The following CAMSAP2 variants were observed in gnomAD, a reference collection of about 807,000 sequenced individuals.
CAMSAP2 encodes the protein calmodulin regulated spectrin associated protein family member 2, also known as calmodulin-regulated spectrin-associated protein 2.
In CAMSAP2, 26 loss-of-function variants were observed where a neutral mutation model predicts 146.1. The ratio of observed to expected loss-of-function variants is 0.18; its 90% CI spans 0.13 to 0.25. CAMSAP2 has a LOEUF of 0.25. CAMSAP2 is among the 10% of genes least tolerant of loss of function. CAMSAP2 has a pLI of 1.00. For missense variants in CAMSAP2, 1,381 were observed against 1,759.3 expected (o/e 0.78, Z 3.85); for synonymous variants, 499 against 596.6 (o/e 0.84, Z 2.38).
At chr1:200,852,459 C>G in intron 11 of CAMSAP2, 82 bp from the exon 12 acceptor site, 2 of 1,497,758 alleles carry the variant, frequency 1.3e-6, no homozygotes, top group Non-Finnish European at 1.8e-6. Flanking sequence ...TAGGACTAAC[C>G]ACAAAATGTG....
At chr1:200,799,504 T>C (rs1408943150) in intron 2 of CAMSAP2, among the ~76,000 whole-genome samples, 1 of 152,130 alleles carries the variant, frequency 6.6e-6, no homozygotes, top group Non-Finnish European at 1.5e-5. Flanking sequence ...ATTTCTGTGG[T>C]ATCAGTGGTG....
intron 4 of CAMSAP2, among the ~76,000 whole-genome samples, chr1:200,824,900 G>C (rs1571802888): frequency 6.6e-6 from 1 of 152,034 alleles, no homozygotes; most frequent in Non-Finnish European, 1.5e-5. Context: ...AATTGCTTGA[G>C]CCCGGGAGGC....
At chr1:200,811,024 T>G (rs187228832) in intron 3 of CAMSAP2, among the ~76,000 whole-genome samples, 5 of 152,270 alleles carry the variant, frequency 3.3e-5, no homozygotes, top group Admixed American at 2.0e-4. Context: ...AGCCTGCTCT[T>G]CTCTCTCTCT....
intron 11 of CAMSAP2, among the ~76,000 whole-genome samples, chr1:200,851,022 A>G (rs992404929): frequency 9.8e-5 from 15 of 152,318 alleles, no homozygotes; most frequent in Admixed American, 9.8e-4. Context: ...AGCTTCATCT[A>G]AAGCCTTTTA....
chr1:200,766,007 T>C (rs1438568561), intron 2 of CAMSAP2, among the ~76,000 whole-genome samples: 4 of 152,210 alleles, frequency 2.6e-5, no homozygotes, highest in Non-Finnish European at 5.9e-5. Context: ...GGAATAGATT[T>C]TCATACTATA....
At chr1:200,760,141 T>G (rs1664762112) in intron 1 of CAMSAP2, among the ~76,000 whole-genome samples, 1 of 152,154 alleles carries the variant, frequency 6.6e-6, no homozygotes, top group South Asian at 2.1e-4. Flanking sequence ...TACTTATGTT[T>G]TAGTCGAACT....
At chr1:200,761,197 A>T in intron 2 of CAMSAP2, 99 bp downstream of exon 2, 1 of 1,193,296 alleles carries the variant, frequency 8.4e-7, no homozygotes, top group Non-Finnish European at 1.2e-6. Flanking sequence ...TTGAAATTGG[A>T]TTGTATTTTT....
chr1:200,801,662 A>G (rs1323594181), intron 2 of CAMSAP2, among the ~76,000 whole-genome samples: 1 of 152,044 alleles, frequency 6.6e-6, no homozygotes, highest in African/African-American at 2.4e-5. Flanking sequence ...TCTTGCCTTC[A>G]TGCTTTATTT....
Position 200,844,835 on chromosome 1 carries a change from A to G in CAMSAP2, c.1075A>G (p.Asn359Asp). Residue 359 changes from asparagine (N) to aspartate (D), a missense_variant, in exon 8 of 17, where the codon AAT becomes GAT. This residue lies in a region of CAMSAP2 where 447 missense variants were observed against 462.2 expected (regional missense o/e 0.97). Coordinates refer to ENST00000358823, the MANE Select transcript of CAMSAP2 (RefSeq NM_203459.4). ...SIPVLNAAKR[N>D]VLDSSSDFPS... ...TCCTGTCTTGAATGCTGCCAAAAGAAATGTCTTAGATAGTAGTTCTGACTT... is the reference window on the plus strand; with the variant it reads ...TCCTGTCTTGAATGCTGCCAAAAGAGATGTCTTAGATAGTAGTTCTGACTT... The G allele has an allele frequency of 1.3e-6, 2 of 1,595,154 alleles. No homozygotes were observed. The highest frequency in any genetic ancestry group is 1.2e-5 in the South Asian group (1 of 86,820).
intron 4 of CAMSAP2, among the ~76,000 whole-genome samples, chr1:200,816,288 A>C (rs1446779517): frequency 7.0e-6 from 1 of 142,464 alleles, no homozygotes; most frequent in Non-Finnish European, 1.5e-5. Flanking sequence ...ACTCCATCTC[A>C]AACAAAAAAA....
intron 2 of CAMSAP2, among the ~76,000 whole-genome samples, chr1:200,775,446 A>AT (rs946591443): frequency 4.0e-5 from 6 of 151,194 alleles, no homozygotes; most frequent in Admixed American, 1.3e-4. Context: ...GATCTGGTTT[A>AT]TTTTTTTTTC....
chr1:200,842,795 G>A (rs2102237999), intron 7 of CAMSAP2, among the ~76,000 whole-genome samples: 1 of 152,094 alleles, frequency 6.6e-6, no homozygotes, highest in Admixed American at 6.5e-5. Flanking sequence ...GGGCAACATG[G>A]TGAAACCCTG....
At chr1:200,761,735 CAAA>C (rs34309759) in intron 2 of CAMSAP2, among the ~76,000 whole-genome samples, 5 of 102,710 alleles carry the variant, frequency 4.9e-5, no homozygotes, top group Admixed American at 1.9e-4. Context: ...AACTCTGTCT[CAAA>C]AAAAAAAAAA....
intron 2 of CAMSAP2, among the ~76,000 whole-genome samples, chr1:200,774,617 T>G (rs1266994675): frequency 1.3e-5 from 2 of 152,196 alleles, no homozygotes; most frequent in African/African-American, 4.8e-5. Flanking sequence ...GAAGGAATCA[T>G]GTGTTATTAT....
intron 1 of CAMSAP2, among the ~76,000 whole-genome samples, chr1:200,742,998 G>C (rs1335781628): frequency 6.6e-6 from 1 of 152,154 alleles, no homozygotes; most frequent in Non-Finnish European, 1.5e-5. Context: ...TTATTTTGTG[G>C]AAGATGCAGA....
intron 1 of CAMSAP2, among the ~76,000 whole-genome samples, chr1:200,755,029 C>T (rs1337139076): frequency 6.6e-6 from 1 of 152,160 alleles, no homozygotes; most frequent in Non-Finnish European, 1.5e-5. Context: ...CATCTGGATC[C>T]TGTGTTCTTT....
intron 2 of CAMSAP2, among the ~76,000 whole-genome samples, chr1:200,769,163 T>C (rs1436322486): frequency 2.6e-5 from 4 of 152,168 alleles, no homozygotes; most frequent in Admixed American, 6.5e-5. Context: ...GGTCTAGATG[T>C]TCCCTTCCCC....
rs1050638081 is a variant in CAMSAP2, at chr1:200,853,208, A to G, written c.3603-67A>G. On this transcript the variant is annotated intron_variant, in intron 12 of 16. Coordinates refer to ENST00000358823, the MANE Select transcript of CAMSAP2 (RefSeq NM_203459.4). This position sits in a 1 kb window ranked among gnomAD's most constrained non-coding sequence, Gnocchi z 5.1. The stretch of plus-strand genomic sequence containing the variant: ...AATTCTCCTTTCTCATATCAAATAC[A>G]TAACTCTCTCCTGTATGGTTTGTCT... 2 of 1,357,554 alleles carry G rather than the reference A, an allele frequency of 1.5e-6. No individual in the cohort carries two copies. Among genetic ancestry groups the G allele is most frequent in the Admixed American group, 2.0e-5 (1 of 50,654 alleles). The allele number at this position is 1,357,554 out of a possible 1,614,324, so 84.1% of individuals were successfully genotyped here.
At chr1:200,754,651 C>T (rs1377302279) in intron 1 of CAMSAP2, among the ~76,000 whole-genome samples, 1 of 142,988 alleles carries the variant, frequency 7.0e-6, no homozygotes, top group Non-Finnish European at 1.5e-5. Flanking sequence ...GGCCCGACCT[C>T]GGCTCAGTGC....
Sources: allele counts gnomAD v4.1 joint callset (sites outside exome capture counted in the v4.1 genomes callset), GRCh38; gene constraint gnomAD v4.1.1; regional missense constraint gnomAD v4.1.1; non-coding constraint Gnocchi (gnomAD v3.1); transcripts MANE v1.5; gene names NCBI Gene and HGNC (gene_info 2026-07-23, HGNC 2026-07-21).